MX1: variants seen among roughly 807,000 people sequenced by gnomAD.
The protein encoded by MX1 is MX dynamin like GTPase 1.
MX1 carries 66 observed loss-of-function variants against 66.4 expected under a neutral mutation model. The ratio of observed to expected loss-of-function variants is 0.99; its 90% CI spans 0.82 to 1.22. The LOEUF (loss-of-function observed/expected upper bound fraction) is 1.22. Among genes scored for constraint, MX1 ranks in the 50% most tolerant of loss-of-function variants. The pLI is 0.00. For missense variants in MX1, 787 were observed against 834.3 expected, an observed-to-expected ratio of 0.94 and a Z score of 0.70; for synonymous variants, 311 against 318.1, an observed-to-expected ratio of 0.98 and a Z score of 0.24.
chr21:41,458,493 C>G, intron 16 of MX1, 35 bp from the exon 17 acceptor site: 1 of 1,612,454 alleles, frequency 6.2e-7, no homozygotes. Flanking sequence ...CACAGTGTCC[C>G]CTCCACCCTC....
intron 3 of MX1, 80 bp from the exon 4 acceptor site, chr21:41,430,452 TG>T (rs780025472): frequency 8.3e-5 from 11 of 133,202 alleles, no homozygotes; most frequent in Non-Finnish European, 1.6e-4. Context: ...TTCTCAGACT[TG>T]GGAATGGGAC....
chr21:41,435,840 G>A lies in MX1; in HGVS notation c.109G>A (p.Ala37Thr). 1 of 1,602,454 alleles carries A rather than the reference G, an allele frequency of 6.2e-7. No individual in the cohort carries two copies. The highest frequency in any genetic ancestry group is 8.5e-7 in the Non-Finnish European group (1 of 1,170,746). Reference sequence around the variant, plus strand: ...TCTCCATTTTTGTTTCCTCCAGGTGGCTGAGAACAACCTGTGCAGCCAGTA... The same window carrying A: ...TCTCCATTTTTGTTTCCTCCAGGTGACTGAGAACAACCTGTGCAGCCAGTA... ...TVAQKNPGSVAENNLCSQYEE... is the reference protein window; with the variant it reads ...TVAQKNPGSVTENNLCSQYEE... Residue 37 changes from alanine to threonine, a missense_variant, in exon 6 of 17, where the codon GCT (alanine) becomes ACT (threonine). Transcript: ENST00000398598.
In MX1 at chr21:41,437,046, A is replaced by C. The variant is rs759473507; in HGVS notation, c.330A>C (p.Lys110Asn). The C allele has an allele frequency of 1.2e-5, 20 of 1,613,832 alleles. No individual in the cohort carries two copies. Among genetic ancestry groups the C allele is most frequent in the Non-Finnish European group, 1.7e-5 (20 of 1,179,878 alleles). ...GIVTRCPLVL[K>N]LKKLVNEDKW... ...TGACCAGATGCCCGCTGGTGCTGAA[A>C]CTGAAGAAACTTGTGAACGAAGATA... Residue 110 changes from lysine to asparagine, a missense_variant, in exon 7 of 17, where the codon AAA becomes AAC. Transcript: ENST00000398598.
intron 16 of MX1, among the ~76,000 whole-genome samples, chr21:41,454,454 G>A (rs1258659598): frequency 2.0e-5 from 3 of 152,124 alleles, no homozygotes; most frequent in Non-Finnish European, 2.9e-5. Flanking sequence ...GTTACGGCCA[G>A]GAATTCAGAT....
chr21:41,457,852 C>T (rs1348316662), intron 16 of MX1, among the ~76,000 whole-genome samples: 1 of 152,236 alleles, frequency 6.6e-6, no homozygotes, highest in Non-Finnish European at 1.5e-5. Flanking sequence ...ACACATTCCC[C>T]ATTCCCCGCC....
chr21:41,445,244 G>T (rs1483463006), intron 11 of MX1, among the ~76,000 whole-genome samples: 1 of 152,124 alleles, frequency 6.6e-6, no homozygotes, highest in African/African-American at 2.4e-5. Context: ...GCAGGAGTGG[G>T]GAAGGGGGAA....
chr21:41,449,548 C>G (rs978740647), intron 14 of MX1: 1 of 369,852 alleles, frequency 2.7e-6, no homozygotes, highest in Non-Finnish European at 4.8e-6. Flanking sequence ...AAATGCCGGT[C>G]ACAAGTCCCA....
At chr21:41,437,346 C>A (rs980282370) in intron 7 of MX1, among the ~76,000 whole-genome samples, 194 bp downstream of exon 7, 1 of 152,242 alleles carries the variant, frequency 6.6e-6, no homozygotes, top group East Asian at 1.9e-4. Context: ...TGATAGCAAT[C>A]ATTTATTTCT....
intron 15 of MX1, among the ~76,000 whole-genome samples, chr21:41,451,572 G>T (rs2146332320): frequency 1.3e-5 from 2 of 152,306 alleles, no homozygotes; most frequent in South Asian, 4.1e-4. Context: ...GGCATGATGA[G>T]CCTGTAATCC....
At chr21:41,450,792 T>C (rs932679096) in intron 14 of MX1, 4 of 152,062 alleles carry the variant, frequency 2.6e-5, no homozygotes, top group Admixed American at 2.0e-4. Flanking sequence ...GAGCTTGTTC[T>C]TGTATTTTTT....
intron 13 of MX1, among the ~76,000 whole-genome samples, chr21:41,446,588 G>A (rs469483): frequency 0.53 from 80,019 of 152,024 alleles, 21,643 homozygotes; most frequent in Non-Finnish European, 0.6. Flanking sequence ...AAAATTGCTG[G>A]TACAGAAACA....
chr21:41,457,171 T>C (rs1285758965), intron 16 of MX1, among the ~76,000 whole-genome samples: 1 of 152,240 alleles, frequency 6.6e-6, no homozygotes, highest in African/African-American at 2.4e-5. Context: ...TTGAGGGTTA[T>C]TTCTATTTCT....
At chr21:41,448,662 C>T (rs977136584) in intron 13 of MX1, among the ~76,000 whole-genome samples, 28 of 152,082 alleles carry the variant, frequency 1.8e-4, no homozygotes, top group Non-Finnish European at 2.5e-4. Flanking sequence ...AAAAATTAGC[C>T]GGGCGTGGTG....
At chr21:41,439,943 G>T (rs2838037) in intron 8 of MX1, 95 bp downstream of exon 8, 2 of 1,352,540 alleles carry the variant, frequency 1.5e-6, no homozygotes, top group Non-Finnish European at 1.0e-6. Context: ...TAGAGTAACC[G>T]TGAGTCCAGA....
intron 11 of MX1, among the ~76,000 whole-genome samples, chr21:41,444,918 G>A (rs2090619100): frequency 6.6e-6 from 1 of 152,276 alleles, no homozygotes; most frequent in African/African-American, 2.4e-5. Context: ...ACATTTAAAG[G>A]TGCAGCTTTC....
chr21:41,437,277 C>G, intron 7 of MX1, 125 bp downstream of exon 7: 1 of 1,055,426 alleles, frequency 9.5e-7, no homozygotes, highest in African/African-American at 1.6e-5. Context: ...GCACATCAGG[C>G]CACGGTTCCT....
upstream of MX1, chr21:41,422,859 T>C (rs1267604185): frequency 3.9e-5 from 6 of 152,206 alleles, no homozygotes; most frequent in Non-Finnish European, 7.3e-5. Flanking sequence ...CTCGGTCTTC[T>C]CATGGAGAAC....
Position 41,456,549 on chromosome 21 carries a change from A to T in MX1, c.1759-1979A>T, listed in dbSNP as rs184071228. ...TTAAAGTCAGTGGGTTACACATGTT[A>T]CCCACATCTACAGAATACCTCCGCA... On this transcript the variant is annotated intron_variant, in intron 16 of 16. Coordinates refer to ENST00000398598, the MANE Select transcript of MX1 (RefSeq NM_002462.5). Among the ~76,000 whole-genome samples the T allele has an allele frequency of 4.6e-3, 701 of 152,274 alleles. 6 individuals carry two copies. Among genetic ancestry groups the T allele is most frequent in the Non-Finnish European group, 6.4e-3 (435 of 68,016 alleles).
At chr21:41,421,398 C>T (rs2089992155), upstream of MX1, 1 of 152,308 alleles carries the variant, frequency 6.6e-6, no homozygotes, top group South Asian at 2.1e-4. Flanking sequence ...TATATTAATC[C>T]TCCTCAGCAC....
Sources: gnomAD v4.1 joint callset for allele counts (sites outside exome capture counted in the v4.1 genomes callset) on GRCh38, gnomAD v4.1.1 for gene constraint, MANE v1.5 for transcripts, NCBI Gene and HGNC (gene_info 2026-07-23, HGNC 2026-07-21) for gene names.